The following GABRB1 variants were observed in gnomAD, a reference collection of about 807,000 sequenced individuals.
GABRB1 encodes gamma-aminobutyric acid receptor subunit beta-1.
In GABRB1, 17 loss-of-function variants were observed where a neutral mutation model predicts 51.6. The observed-to-expected ratio is 0.33, with a 90% CI of 0.23 to 0.49. The LOEUF (loss-of-function observed/expected upper bound fraction) is 0.49. GABRB1 is among the 20% of genes least tolerant of loss of function. The probability of loss-of-function intolerance (pLI) is 0.99; values close to 1 mark genes in which losing one functional copy is unlikely to be tolerated. For missense variants in GABRB1, 410 were observed against 600.6 expected, an observed-to-expected ratio of 0.68 and a Z score of 3.32; for synonymous variants, 247 against 218.9, an observed-to-expected ratio of 1.13 and a Z score of -1.14.
At chr4:47,238,004 T>C (rs1721390789) in intron 4 of GABRB1, among the ~76,000 whole-genome samples, 1 of 152,004 alleles carries the variant, frequency 6.6e-6, no homozygotes, top group Non-Finnish European at 1.5e-5. Flanking sequence ...ATATTTTGCA[T>C]TGCAATAAAT....
At chr4:47,293,694 G>C (rs1198996751) in intron 4 of GABRB1, among the ~76,000 whole-genome samples, 1 of 152,114 alleles carries the variant, frequency 6.6e-6, no homozygotes, top group Non-Finnish European at 1.5e-5. Context: ...AAAATTTTAA[G>C]AACTATGGCT....
intron 1 of GABRB1, among the ~76,000 whole-genome samples, chr4:47,025,290 G>T (rs978128792): frequency 4.0e-5 from 6 of 151,740 alleles, no homozygotes; most frequent in Non-Finnish European, 8.8e-5. Context: ...TCAAATGGTA[G>T]TTCTATTTTA....
At chr4:47,401,616 C>G (rs2110049324) in intron 5 of GABRB1, among the ~76,000 whole-genome samples, 1 of 152,284 alleles carries the variant, frequency 6.6e-6, no homozygotes. Flanking sequence ...ACTCACATTC[C>G]CCAGATACTA....
intron 4 of GABRB1, among the ~76,000 whole-genome samples, chr4:47,195,994 G>T (rs1188533311): frequency 6.6e-6 from 1 of 152,228 alleles, no homozygotes; most frequent in African/African-American, 2.4e-5. Flanking sequence ...ATTCCTGCTT[G>T]TGTGGTAGCT....
chr4:47,027,588 T>A (rs911166335), upstream of GABRB1, among the ~76,000 whole-genome samples: 1 of 151,530 alleles, frequency 6.6e-6, no homozygotes, highest in Non-Finnish European at 1.5e-5. Context: ...AGAGGATAAA[T>A]TGATATGCAA....
upstream of GABRB1, among the ~76,000 whole-genome samples, chr4:47,029,498 C>T (rs887122702): frequency 6.6e-6 from 1 of 150,896 alleles, no homozygotes; most frequent in African/African-American, 2.4e-5. Context: ...AAAACATGTT[C>T]TTTCTATGTA....
chr4:47,053,151 C>A (rs1577863416), intron 3 of GABRB1, among the ~76,000 whole-genome samples: 1 of 152,150 alleles, frequency 6.6e-6, no homozygotes, highest in Non-Finnish European at 1.5e-5. Context: ...GTGTTACTAA[C>A]CCCAAGAAGA....
At chr4:47,269,583 T>C (rs965672701) in intron 4 of GABRB1, among the ~76,000 whole-genome samples, 5 of 152,174 alleles carry the variant, frequency 3.3e-5, no homozygotes, top group African/African-American at 7.2e-5. Context: ...GATTACCTTA[T>C]AGCCAGATGC....
intron 3 of GABRB1, among the ~76,000 whole-genome samples, chr4:47,150,513 G>A (rs1171632693): frequency 6.6e-6 from 1 of 151,984 alleles, no homozygotes; most frequent in Non-Finnish European, 1.5e-5. Context: ...ACTATAGTAT[G>A]TAGCTATTAA....
chr4:47,298,820 G>A (rs557480279), intron 4 of GABRB1, among the ~76,000 whole-genome samples: 2,690 of 151,978 alleles, frequency 0.018, 39 homozygotes, highest in Middle Eastern at 0.041. Flanking sequence ...GAGGCATCAC[G>A]CTACCTGACT....
At chr4:47,397,152 G>A (rs1728203230) in intron 5 of GABRB1, among the ~76,000 whole-genome samples, 1 of 152,104 alleles carries the variant, frequency 6.6e-6, no homozygotes. Flanking sequence ...AGCTGAATGT[G>A]TTAATTTTTT....
chr4:47,333,080 T>G (rs1412197575), intron 5 of GABRB1, among the ~76,000 whole-genome samples: 2 of 147,034 alleles, frequency 1.4e-5, no homozygotes, highest in Non-Finnish European at 3.0e-5. Flanking sequence ...AAAATTCATA[T>G]ATATAAAATA....
intron 5 of GABRB1, among the ~76,000 whole-genome samples, chr4:47,375,152 C>T (rs1004150938): frequency 5.3e-5 from 8 of 151,988 alleles, no homozygotes; most frequent in South Asian, 2.1e-4. Context: ...ATGAACTGTT[C>T]CAGAGAACAA....
chr4:47,235,065 T>A (rs532522420), intron 4 of GABRB1, among the ~76,000 whole-genome samples: 1 of 152,208 alleles, frequency 6.6e-6, no homozygotes, highest in South Asian at 2.1e-4. Flanking sequence ...TCCCCACTTA[T>A]ACCCTTCCTT....
At chr4:47,040,325 A>T (rs1353968770) in intron 3 of GABRB1, among the ~76,000 whole-genome samples, 1 of 152,194 alleles carries the variant, frequency 6.6e-6, no homozygotes, top group Non-Finnish European at 1.5e-5. Flanking sequence ...AGTGTTAGGA[A>T]GCTAAGAGTG....
At chr4:47,322,399 T>A (rs1212189890) in intron 5 of GABRB1, among the ~76,000 whole-genome samples, 1 of 152,092 alleles carries the variant, frequency 6.6e-6, no homozygotes, top group African/African-American at 2.4e-5. Context: ...AAGCAAAAAC[T>A]CTTGACTGTA....
chr4:47,325,750 G>T (rs948898983), intron 5 of GABRB1, among the ~76,000 whole-genome samples: 1 of 152,028 alleles, frequency 6.6e-6, no homozygotes, highest in African/African-American at 2.4e-5. Flanking sequence ...TGCCACCTTC[G>T]ATAGGAGGCT....
At chr4:47,080,067 G>A (rs1450857328) in intron 3 of GABRB1, among the ~76,000 whole-genome samples, 1 of 152,022 alleles carries the variant, frequency 6.6e-6, no homozygotes, top group Admixed American at 6.6e-5. Flanking sequence ...CTTATTTCAA[G>A]CAATACAGAA....
At chr4:47,349,950 C>T (rs2109996580) in intron 5 of GABRB1, among the ~76,000 whole-genome samples, 1 of 151,986 alleles carries the variant, frequency 6.6e-6, no homozygotes, top group African/African-American at 2.4e-5. Flanking sequence ...GTCTTTGCTT[C>T]TGTTGTTATT....
Sources: allele counts gnomAD v4.1 joint callset (sites outside exome capture counted in the v4.1 genomes callset), GRCh38; gene constraint gnomAD v4.1.1; transcripts MANE v1.5; gene names NCBI Gene and HGNC (gene_info 2026-07-23, HGNC 2026-07-21).